The following PRKG1 variants were observed in gnomAD, a reference collection of about 807,000 sequenced individuals.
PRKG1 encodes the protein protein kinase cGMP-dependent 1.
In PRKG1, 35 loss-of-function variants were observed where a neutral mutation model predicts 88.1. The observed-to-expected ratio is 0.40, with a 90% CI of 0.30 to 0.53. The LOEUF (loss-of-function observed/expected upper bound fraction) is 0.53. PRKG1 is among the 20% of genes least tolerant of loss of function. PRKG1 has a pLI of 0.59. For synonymous variants in PRKG1, 303 were observed against 292.5 expected (o/e 1.04, Z -0.37); for missense variants, 540 against 839.8 (o/e 0.64, Z 4.41).
chr10:51,164,733 G>A (rs902359523), intron 2 of PRKG1, among the ~76,000 whole-genome samples: 33 of 152,170 alleles, frequency 2.2e-4, no homozygotes, highest in Non-Finnish European at 3.8e-4. Context: ...GCCAAGGCTC[G>A]AGAACTATGT....
chr10:51,269,108 CAT>C (rs1480046985), intron 2 of PRKG1, among the ~76,000 whole-genome samples: 6 of 152,084 alleles, frequency 3.9e-5, no homozygotes, highest in Non-Finnish European at 5.9e-5. Flanking sequence ...AGCCAACAAA[CAT>C]ATGAAAAAAT....
chr10:51,234,383 G>T (rs1468873072), intron 2 of PRKG1, among the ~76,000 whole-genome samples: 1 of 152,152 alleles, frequency 6.6e-6, no homozygotes, highest in Non-Finnish European at 1.5e-5. Context: ...CTGCTTCGTT[G>T]TAAGGAGAGC....
chr10:51,748,928 A>G (rs997312400), intron 3 of PRKG1, among the ~76,000 whole-genome samples: 4 of 152,218 alleles, frequency 2.6e-5, no homozygotes, highest in African/African-American at 9.6e-5. Flanking sequence ...CTTTGGTCCA[A>G]TGTCAAATTT....
intron 7 of PRKG1, among the ~76,000 whole-genome samples, chr10:52,099,586 T>C (rs1261342736): frequency 6.6e-6 from 1 of 151,904 alleles, no homozygotes; most frequent in African/African-American, 2.4e-5. Context: ...GAGAGTAGGG[T>C]TTGAGATATG....
chr10:51,476,256 G>A (rs562616513), intron 3 of PRKG1, among the ~76,000 whole-genome samples: 9 of 152,120 alleles, frequency 5.9e-5, no homozygotes, highest in East Asian at 3.9e-4. Flanking sequence ...AGGCAAGGAC[G>A]TGAGCCAGTC....
intron 3 of PRKG1, among the ~76,000 whole-genome samples, chr10:51,735,871 A>ATG (rs1396092458): frequency 0.1 from 12,017 of 117,986 alleles, 694 homozygotes; most frequent in African/African-American, 0.19. Context: ...ATATATATAT[A>ATG]TATATATATG....
chr10:51,158,850 T>C (rs1564621627), intron 2 of PRKG1, among the ~76,000 whole-genome samples: 1 of 152,078 alleles, frequency 6.6e-6, no homozygotes. Flanking sequence ...TTCTTTCAAG[T>C]TATTACACAA....
chr10:51,306,236 G>A (rs367815350), intron 2 of PRKG1, among the ~76,000 whole-genome samples: 1 of 152,210 alleles, frequency 6.6e-6, no homozygotes, highest in Non-Finnish European at 1.5e-5. Context: ...AGAGAATATG[G>A]CATTTGTACC....
intron 4 of PRKG1, among the ~76,000 whole-genome samples, chr10:51,840,561 A>AC: frequency 6.7e-6 from 1 of 148,916 alleles, no homozygotes; most frequent in African/African-American, 2.5e-5. Context: ...TTATTTATTT[A>AC]TTGAGACAAA....
At chr10:51,997,469 CAA>C (rs200543963) in intron 5 of PRKG1, among the ~76,000 whole-genome samples, 2,285 of 71,606 alleles carry the variant, frequency 0.032, 55 homozygotes, top group African/African-American at 0.076. Flanking sequence ...GACTCTGTCT[CAA>C]AAAAAAAAAA....
intron 3 of PRKG1, among the ~76,000 whole-genome samples, chr10:51,632,895 A>G (rs764090113): frequency 6.6e-6 from 1 of 152,162 alleles, no homozygotes; most frequent in Non-Finnish European, 1.5e-5. Context: ...TCTTGGTTCC[A>G]TTGTAGGAGT....
intron 4 of PRKG1, among the ~76,000 whole-genome samples, chr10:51,809,091 T>A (rs971402996): frequency 1.1e-4 from 17 of 152,202 alleles, no homozygotes; most frequent in Non-Finnish European, 2.4e-4. Context: ...TTCTTTATTG[T>A]CAAAGTTGGG....
intron 5 of PRKG1, among the ~76,000 whole-genome samples, chr10:51,957,301 T>C (rs1473875760): frequency 2.0e-5 from 3 of 150,616 alleles, no homozygotes; most frequent in Non-Finnish European, 3.0e-5. Context: ...TTTTTTTCTT[T>C]TCTCTTCTTT....
chr10:51,363,035 A>T (rs1842516849), intron 2 of PRKG1, among the ~76,000 whole-genome samples: 1 of 151,884 alleles, frequency 6.6e-6, no homozygotes, highest in South Asian at 2.1e-4. Context: ...GCCTTTTCAA[A>T]ATACAGATGC....
intron 3 of PRKG1, among the ~76,000 whole-genome samples, chr10:51,615,746 T>C (rs772001074): frequency 1.3e-5 from 2 of 151,916 alleles, no homozygotes; most frequent in Non-Finnish European, 2.9e-5. Context: ...GTGTTGTTTT[T>C]CAGTATTCCC....
intron 2 of PRKG1, among the ~76,000 whole-genome samples, chr10:51,187,643 A>G (rs574067112): frequency 7.8e-4 from 119 of 152,106 alleles, no homozygotes; most frequent in African/African-American, 2.8e-3. Context: ...TGCCTCAGTG[A>G]TGGGTCTAAA....
chr10:51,651,492 A>G (rs1840037573), intron 3 of PRKG1, among the ~76,000 whole-genome samples: 1 of 151,830 alleles, frequency 6.6e-6, no homozygotes, highest in Non-Finnish European at 1.5e-5. Context: ...CTACTCCCCT[A>G]GAAGAGTGAT....
At chr10:51,872,554 A>T (rs12761620) in intron 4 of PRKG1, among the ~76,000 whole-genome samples, 1 of 152,044 alleles carries the variant, frequency 6.6e-6, no homozygotes, top group African/African-American at 2.4e-5. Context: ...AAGACTTATA[A>T]TTTTTTCAAT....
At chr10:52,210,545 T>C (rs1325115676) in intron 9 of PRKG1, among the ~76,000 whole-genome samples, 1 of 152,238 alleles carries the variant, frequency 6.6e-6, no homozygotes, top group African/African-American at 2.4e-5. Context: ...TTTATTTCTA[T>C]ATTTTTATTA....
Sources: gnomAD v4.1 joint callset for allele counts (sites outside exome capture counted in the v4.1 genomes callset) on GRCh38, gnomAD v4.1.1 for gene constraint, MANE v1.5 for transcripts, NCBI Gene and HGNC (gene_info 2026-07-23, HGNC 2026-07-21) for gene names.